The following COL21A1 variants were observed in gnomAD, a reference collection of about 807,000 sequenced individuals.
COL21A1 encodes collagen alpha-1(XXI) chain.
A neutral mutation model predicts 137.9 loss-of-function variants in COL21A1; 149 were observed. That is an observed-to-expected ratio of 1.08 (90% CI 0.95 to 1.24). The LOEUF (loss-of-function observed/expected upper bound fraction) is 1.24, where lower values mean the gene tolerates loss of function less well. COL21A1 is among the 50% of genes most tolerant of loss of function. The pLI is 0.00. For missense variants in COL21A1, 1,167 were observed against 1,158.4 expected (o/e 1.01, Z -0.11); for synonymous variants, 456 against 391.5 (o/e 1.16, Z -1.95).
chr6:56,158,165 GA>G (rs1481843658), intron 9 of COL21A1, among the ~76,000 whole-genome samples: 1 of 149,420 alleles, frequency 6.7e-6, no homozygotes, highest in Non-Finnish European at 1.5e-5. Flanking sequence ...GCATCCTGCT[GA>G]AAAATATGAA....
intron 1 of COL21A1, among the ~76,000 whole-genome samples, chr6:56,191,427 TAC>T (rs1778666722): frequency 3.3e-5 from 2 of 61,152 alleles, no homozygotes; most frequent in Non-Finnish European, 6.1e-5. Flanking sequence ...CTACTAAAAA[TAC>T]AAAAAAAAAA....
At chr6:56,188,371 A>G (rs1157961417) in intron 1 of COL21A1, among the ~76,000 whole-genome samples, 1 of 152,214 alleles carries the variant, frequency 6.6e-6, no homozygotes, top group Admixed American at 6.5e-5. Flanking sequence ...ACTAAAAATA[A>G]CCCAAATGCT....
Position 56,061,690 on chromosome 6 carries a change from A to G in COL21A1, c.2173-9T>C. Reference sequence around the variant, plus strand: ...TGATGGCCTTGAATTCCCTTTGAAAATTAATAGAAAAAATATAATAAATGT... The same window carrying G: ...TGATGGCCTTGAATTCCCTTTGAAAGTTAATAGAAAAAATATAATAAATGT... On this transcript the variant is annotated splice_polypyrimidine_tract_variant and intron_variant, in intron 24 of 29. Transcript: ENST00000244728. 6.4e-7 allele frequency: 1 copy of G among 1,558,398 alleles called. No homozygotes were observed.
chr6:56,342,288 C>G (rs1765488234), intron 1 of COL21A1, among the ~76,000 whole-genome samples: 1 of 152,194 alleles, frequency 6.6e-6, no homozygotes, highest in African/African-American at 2.4e-5. Context: ...GTTTCTATTA[C>G]AAAAACTCCT....
chr6:56,273,823 T>C (rs997864051), intron 1 of COL21A1, among the ~76,000 whole-genome samples: 16 of 152,090 alleles, frequency 1.1e-4, no homozygotes, highest in African/African-American at 3.9e-4. Context: ...CTGAAACTAT[T>C]CCAAAAAAGG....
intron 1 of COL21A1, among the ~76,000 whole-genome samples, chr6:56,289,471 T>C (rs1004442137): frequency 2.6e-5 from 4 of 152,252 alleles, no homozygotes; most frequent in African/African-American, 4.8e-5. Context: ...AAAATGCACA[T>C]TATGGGACTA....
intron 10 of COL21A1, among the ~76,000 whole-genome samples, chr6:56,150,883 C>T (rs1315161272): frequency 2.0e-5 from 3 of 152,188 alleles, no homozygotes; most frequent in Non-Finnish European, 4.4e-5. Flanking sequence ...CCAGATCTCT[C>T]TAATGATCAG....
At chr6:56,365,364 AGACCTGT>A (rs1766072487) in intron 1 of COL21A1, among the ~76,000 whole-genome samples, 1 of 152,222 alleles carries the variant, frequency 6.6e-6, no homozygotes, top group Non-Finnish European at 1.5e-5. Flanking sequence ...GAAGAAAAGC[AGACCTGT>A]GTACCTTTCA....
chr6:56,269,519 G>C (rs1190952915), intron 1 of COL21A1, among the ~76,000 whole-genome samples: 4 of 151,058 alleles, frequency 2.6e-5, no homozygotes, highest in African/African-American at 2.4e-5. Flanking sequence ...GCCGGGCGTA[G>C]TGGCGGGCGC....
chr6:56,134,952 T>C (rs1398835002), intron 12 of COL21A1, among the ~76,000 whole-genome samples: 1 of 152,140 alleles, frequency 6.6e-6, no homozygotes, highest in Non-Finnish European at 1.5e-5. Flanking sequence ...GGTATGTCTT[T>C]ATTGTATTAG....
intron 1 of COL21A1, among the ~76,000 whole-genome samples, chr6:56,288,616 G>T (rs1000901910): frequency 6.6e-6 from 1 of 152,154 alleles, no homozygotes; most frequent in Non-Finnish European, 1.5e-5. Flanking sequence ...GTAGATAAAA[G>T]GGCAGGTGCT....
At chr6:56,142,179 T>C (rs192165961) in intron 10 of COL21A1, among the ~76,000 whole-genome samples, 196 bp from the exon 11 acceptor site, 49 of 152,066 alleles carry the variant, frequency 3.2e-4, no homozygotes, top group African/African-American at 1.2e-3. Flanking sequence ...CTTTAAAAAG[T>C]ATATAGGGCC....
chr6:56,057,757 C>G lies in COL21A1; in HGVS notation c.2774G>C (p.Gly925Ala). ...TGGGGGGCCTGGTTGCCCTTGGATT[C>G]CAGGTTTTCCATGGTCTCCATCTTT... The part of the protein sequence containing the change: ...PGKDGDHGKP[G>A]IQGQPGPPGI... The change falls in exon 30 of 30, where the codon GGA becomes GCA. Residue 925 changes from glycine (G) to alanine (A), a missense_variant. By Grantham distance (60) the Gly-to-Ala change is moderately conservative (BLOSUM62 0). Transcript: ENST00000244728. 2 of 1,611,376 alleles carry G rather than the reference C, an allele frequency of 1.2e-6. No homozygotes were observed. The highest frequency in any genetic ancestry group is 1.7e-6 in the Non-Finnish European group (2 of 1,178,834).
At chr6:56,180,377 G>T (rs1272222622) in intron 2 of COL21A1, among the ~76,000 whole-genome samples, 1 of 152,154 alleles carries the variant, frequency 6.6e-6, no homozygotes, top group African/African-American at 2.4e-5. Context: ...TTTCATCTTT[G>T]ATATATTAAT....
Position 56,141,935 on chromosome 6 carries a change from T to A in COL21A1, c.1483A>T (p.Ile495Leu), listed in dbSNP as rs1371677726. The A allele has an allele frequency of 6.4e-7, 1 of 1,550,496 alleles. No individual in the cohort carries two copies. The highest frequency in any genetic ancestry group is 1.2e-5 in the South Asian group (1 of 83,908). Residue 495 changes from isoleucine (I) to leucine (L), a missense_variant, in exon 11 of 30, where the codon ATA becomes TTA. Ile to Leu is a conservative substitution (Grantham distance 5, BLOSUM62 2). Transcript: ENST00000244728. ...TATATAAGTGGATCACATACTTGTA[T>A]TCCTGGAGATCCTGGAACACCTGGT... Reference protein sequence around the residue: ...GTPGVPGSPGIQGARGLPGYK... With the variant: ...GTPGVPGSPGLQGARGLPGYK...
chr6:56,316,539 T>C (rs1764742493), intron 1 of COL21A1, among the ~76,000 whole-genome samples: 1 of 121,256 alleles, frequency 8.2e-6, no homozygotes, highest in African/African-American at 3.0e-5. Context: ...GGGAGTGCAG[T>C]TGCGTGATCT....
chr6:56,286,379 A>G (rs932142479), intron 1 of COL21A1, among the ~76,000 whole-genome samples: 3 of 152,220 alleles, frequency 2.0e-5, no homozygotes, highest in East Asian at 1.9e-4. Flanking sequence ...ATACCCATGT[A>G]TACACAAATA....
At chr6:56,291,756 A>C (rs1764051438) in intron 1 of COL21A1, among the ~76,000 whole-genome samples, 1 of 152,214 alleles carries the variant, frequency 6.6e-6, no homozygotes, top group African/African-American at 2.4e-5. Context: ...TTGACTTCTA[A>C]AATAAGTTAT....
intron 12 of COL21A1, among the ~76,000 whole-genome samples, chr6:56,129,641 G>A (rs1016172354): frequency 2.7e-5 from 4 of 150,816 alleles, no homozygotes; most frequent in Non-Finnish European, 4.4e-5. Context: ...ACGTGCGTGC[G>A]TGTGTGTGTG....
Sources: gnomAD v4.1 joint callset for allele counts (sites outside exome capture counted in the v4.1 genomes callset) on GRCh38, gnomAD v4.1.1 for gene constraint, MANE v1.5 for transcripts, NCBI Gene and HGNC (gene_info 2026-07-23, HGNC 2026-07-21) for gene names.